The following NDST4 variants were observed in gnomAD, a reference collection of about 807,000 sequenced individuals.
NDST4 encodes the protein N-heparan sulfate sulfotransferase 4.
NDST4 carries 63 observed loss-of-function variants against 100.8 expected under a neutral mutation model. That is an observed-to-expected ratio of 0.62 (90% CI 0.51 to 0.77). NDST4 has a LOEUF of 0.77. Ranked by LOEUF, NDST4 falls within the 30% of genes least tolerant of loss-of-function variation. The pLI, the probability that NDST4 is intolerant of heterozygous loss-of-function variation, is 0.00. For synonymous variants in NDST4, 377 were observed against 361.8 expected (o/e 1.04, Z -0.48); for missense variants, 943 against 1,018.4 (o/e 0.93, Z 1.01).
chr4:114,881,531 G>T (rs1007101533), intron 6 of NDST4, among the ~76,000 whole-genome samples: 1 of 152,010 alleles, frequency 6.6e-6, no homozygotes, highest in Non-Finnish European at 1.5e-5. Flanking sequence ...GAGCTAACAA[G>T]AGAGTATAGA....
intron 1 of NDST4, among the ~76,000 whole-genome samples, chr4:115,109,282 A>G (rs1729894393): frequency 6.6e-6 from 1 of 151,908 alleles, no homozygotes; most frequent in South Asian, 2.1e-4. Flanking sequence ...CTGTGTAGTT[A>G]TAGTTGACGA....
chr4:114,847,027 G>C (rs1016343027), intron 9 of NDST4, among the ~76,000 whole-genome samples: 2 of 152,076 alleles, frequency 1.3e-5, no homozygotes, highest in Non-Finnish European at 2.9e-5. Flanking sequence ...TGGGAACCTT[G>C]ATCTGCTCGC....
chr4:115,063,478 C>A (rs1048409832), intron 2 of NDST4, among the ~76,000 whole-genome samples: 1 of 151,848 alleles, frequency 6.6e-6, no homozygotes, highest in Non-Finnish European at 1.5e-5. Flanking sequence ...TATTTCAGGG[C>A]ACCATGTGTA....
intron 12 of NDST4, among the ~76,000 whole-genome samples, chr4:114,830,865 T>C (rs1299335620): frequency 2.0e-5 from 3 of 152,200 alleles, no homozygotes; most frequent in African/African-American, 7.2e-5. Context: ...CACCTGCAAT[T>C]TGCTTCTGTA....
chr4:115,005,687 TC>T (rs1421832072), intron 2 of NDST4, among the ~76,000 whole-genome samples: 2 of 152,082 alleles, frequency 1.3e-5, no homozygotes, highest in Non-Finnish European at 2.9e-5. Context: ...ACTAGAGGCA[TC>T]CTAGAGGTGG....
intron 1 of NDST4, among the ~76,000 whole-genome samples, chr4:115,094,859 G>A (rs893830017): frequency 1.7e-5 from 2 of 120,872 alleles, no homozygotes; most frequent in African/African-American, 7.0e-5. Context: ...AGGGAGCATG[G>A]CCCTGTTGTC....
chr4:115,075,784 G>GA lies in NDST4; in HGVS notation c.978+274dup, dbSNP rs56658909. On this transcript the variant is annotated intron_variant, in intron 2 of 13. Transcript: ENST00000264363. ...GGGCGACAGAGCAAGAGTCTGTTCA[G>GA]AAAAAAAAAAAAAAAAAAAGGCAAA... Among the ~76,000 whole-genome samples, 324 of 87,402 alleles carry GA rather than the reference G, an allele frequency of 3.7e-3. 4 individuals are homozygous for GA. Among genetic ancestry groups the GA allele is most frequent in the East Asian group, 0.03 (79 of 2,610 alleles). The allele number at this position is 87,402 out of a possible 152,430, so 57.3% of individuals were successfully genotyped here.
chr4:114,897,705 G>C (rs1724746452), intron 6 of NDST4, among the ~76,000 whole-genome samples: 1 of 152,178 alleles, frequency 6.6e-6, no homozygotes, highest in Admixed American at 6.5e-5. Context: ...CAATGAATGA[G>C]AGTTCATGTG....
At chr4:115,028,834 C>T (rs1161826646) in intron 2 of NDST4, among the ~76,000 whole-genome samples, 1 of 152,074 alleles carries the variant, frequency 6.6e-6, no homozygotes, top group Non-Finnish European at 1.5e-5. Context: ...AAGATCCTCA[C>T]AGGAAGCATG....
intron 4 of NDST4, among the ~76,000 whole-genome samples, chr4:114,941,068 G>A (rs1273130307): frequency 6.6e-6 from 1 of 152,122 alleles, no homozygotes; most frequent in Admixed American, 6.5e-5. Flanking sequence ...GCCCCTGTTG[G>A]GAACCTCCCT....
chr4:114,997,042 C>T (rs1226023564), intron 2 of NDST4, among the ~76,000 whole-genome samples: 1 of 152,056 alleles, frequency 6.6e-6, no homozygotes, highest in East Asian at 1.9e-4. Context: ...GCTTAAATGT[C>T]TCTACCATGG....
chr4:114,855,669 C>T (rs893167999), intron 7 of NDST4, among the ~76,000 whole-genome samples: 5 of 152,028 alleles, frequency 3.3e-5, no homozygotes, highest in South Asian at 2.1e-4. Context: ...CATTTTGGTT[C>T]CTATAGCTCT....
At chr4:114,961,926 T>A (rs1726272439) in intron 4 of NDST4, among the ~76,000 whole-genome samples, 1 of 152,000 alleles carries the variant, frequency 6.6e-6, no homozygotes, top group African/African-American at 2.4e-5. Context: ...TAATAGAGTT[T>A]AAAAAATACC....
chr4:115,006,934 A>C (rs971376120), intron 2 of NDST4, among the ~76,000 whole-genome samples: 3 of 152,162 alleles, frequency 2.0e-5, no homozygotes. Flanking sequence ...TAATAACAAC[A>C]ACAGTAATAA....
At chr4:114,994,022 A>G (rs144186359) in intron 2 of NDST4, among the ~76,000 whole-genome samples, 46 of 152,120 alleles carry the variant, frequency 3.0e-4, no homozygotes, top group Non-Finnish European at 4.7e-4. Context: ...ACACATTTGT[A>G]TAAATTCCAA....
At chr4:114,867,665 C>CAAAAAAAAAAAAAAAAAAAAAAAAAAA in intron 7 of NDST4, among the ~76,000 whole-genome samples, 45 of 79,838 alleles carry the variant, frequency 5.6e-4, no homozygotes, top group African/African-American at 9.3e-4. Flanking sequence ...AAAAAAAAAG[C>CAAAAAAAAAAAAAAAAAAAAAAAAAAA]AAAAAAAAAA....
intron 2 of NDST4, among the ~76,000 whole-genome samples, chr4:115,066,769 C>A (rs1728955234): frequency 6.6e-6 from 1 of 152,156 alleles, no homozygotes; most frequent in African/African-American, 2.4e-5. Context: ...CCCTCCCTGA[C>A]AAGGGAGATC....
chr4:115,046,364 A>G (rs1272422140), intron 2 of NDST4, among the ~76,000 whole-genome samples: 4 of 152,276 alleles, frequency 2.6e-5, no homozygotes, highest in South Asian at 2.1e-4. Context: ...CTTATTTAAC[A>G]TAGGTTCCAT....
chr4:114,911,447 A>G (rs1725060182), intron 6 of NDST4, among the ~76,000 whole-genome samples: 1 of 152,166 alleles, frequency 6.6e-6, no homozygotes, highest in East Asian at 1.9e-4. Context: ...TGTAACTCCC[A>G]TTTATTGACA....
Sources: gnomAD v4.1 joint callset for allele counts (sites outside exome capture counted in the v4.1 genomes callset) on GRCh38, gnomAD v4.1.1 for gene constraint, MANE v1.5 for transcripts, NCBI Gene and HGNC (gene_info 2026-07-23, HGNC 2026-07-21) for gene names.